LMF1: variants seen among roughly 807,000 people sequenced by gnomAD.
LMF1 encodes lipase maturation factor 1, also known as transmembrane protein 112.
In LMF1, 68 loss-of-function variants were observed where a neutral mutation model predicts 60.6. The ratio of observed to expected loss-of-function variants is 1.12; its 90% CI spans 0.92 to 1.37. The LOEUF is 1.37. LMF1 is among the 40% of genes most tolerant of loss of function. The pLI, the probability that LMF1 is intolerant of heterozygous loss-of-function variation, is 0.00. For missense variants in LMF1, 948 were observed against 767.2 expected (o/e 1.24, Z -2.78); for synonymous variants, 418 against 324.7 (o/e 1.29, Z -3.09).
intron 1 of LMF1, chr16:980,379 G>A (rs2073314424): frequency 1.3e-5 from 2 of 152,854 alleles, no homozygotes; most frequent in African/African-American, 4.8e-5. Flanking sequence ...GCCCCAGGTG[G>A]GTGCGGTGCG....
At chr16:921,964 T>C (rs934898833) in intron 3 of LMF1, among the ~76,000 whole-genome samples, 4 of 152,138 alleles carry the variant, frequency 2.6e-5, no homozygotes, top group South Asian at 2.1e-4. Flanking sequence ...TGAGAGGTGT[T>C]AGCAAGGTCT....
At chr16:974,439 G>A (rs1053287411), upstream of LMF1, among the ~76,000 whole-genome samples, 14 of 152,210 alleles carry the variant, frequency 9.2e-5, no homozygotes, top group Non-Finnish European at 1.8e-4. Flanking sequence ...GCTGACCCAG[G>A]AGAGGCCTGA....
chr16:873,798 A>C (rs1170964975), intron 6 of LMF1: 1 of 152,326 alleles, frequency 6.6e-6, no homozygotes, highest in Non-Finnish European at 1.5e-5. Context: ...CTGAGGTCTA[A>C]CACCAGTCCA....
rs1463050815 is a variant in LMF1 at position 897,367 on chromosome 16, A to G, written c.664-4295T>C. On this transcript the variant is annotated intron_variant, in intron 4 of 10. Coordinates refer to ENST00000262301, the MANE Select transcript of LMF1 (RefSeq NM_022773.4). The surrounding 1 kb of genome is among the most constrained non-coding windows in gnomAD (Gnocchi z 4.3). ...CTCAGGACAGACCCCCAGCCCCTACAGTCCCCGAAAGCACCGGCTAACGTG... is the reference window on the plus strand; with the variant it reads ...CTCAGGACAGACCCCCAGCCCCTACGGTCCCCGAAAGCACCGGCTAACGTG... Among the ~76,000 whole-genome samples the G allele has an allele frequency of 2.0e-5, 3 of 152,250 alleles. No individual in the cohort carries two copies. The highest frequency in any genetic ancestry group is 2.0e-4 in the Admixed American group (3 of 15,308).
At chr16:953,203 C>T (rs1782166633) in intron 2 of LMF1, among the ~76,000 whole-genome samples, 2 of 109,856 alleles carry the variant, frequency 1.8e-5, no homozygotes, top group Admixed American at 8.8e-5. Flanking sequence ...TCCTACATGT[C>T]CACACAGACA....
intron 6 of LMF1, among the ~76,000 whole-genome samples, chr16:877,033 G>C (rs913511478): frequency 1.3e-5 from 2 of 152,200 alleles, no homozygotes; most frequent in African/African-American, 4.8e-5. Flanking sequence ...CAGGAGATGC[G>C]TGTCGGTGAG....
At position 857,100 on chromosome 16, in the gene LMF1, C is replaced by T. The variant is rs534858364; in HGVS notation, c.1530-2394G>A. Among the ~76,000 whole-genome samples, 43 of 152,398 alleles carry T rather than the reference C, an allele frequency of 2.8e-4. 1 individual carries two copies. The highest frequency in any genetic ancestry group is 9.6e-4 in the African/African-American group (40 of 41,604). On this transcript the variant is annotated intron_variant, in intron 10 of 10. Coordinates refer to ENST00000262301, the MANE Select transcript of LMF1 (RefSeq NM_022773.4). ...CCGCCAGGTCGTGTGATGGAGGCTT[C>T]CTTCCTCCTCGTCGCTGACCGGCGT...
At chr16:955,061 C>T (rs542490880) in intron 1 of LMF1, among the ~76,000 whole-genome samples, 2 of 151,732 alleles carry the variant, frequency 1.3e-5, no homozygotes, top group East Asian at 3.9e-4. Context: ...GTAAACTAGA[C>T]ACGTTACATA....
At chr16:970,748 G>C in intron 1 of LMF1, 40 bp downstream of exon 1, 1 of 1,488,060 alleles carries the variant, frequency 6.7e-7, no homozygotes, top group South Asian at 1.3e-5. Flanking sequence ...GGTGCGCGGA[G>C]GTGACACTGG....
intron 10 of LMF1, among the ~76,000 whole-genome samples, chr16:866,480 A>T (rs569086142): frequency 6.6e-6 from 1 of 152,016 alleles, no homozygotes; most frequent in East Asian, 1.9e-4. Context: ...GGAGGGGAGG[A>T]GCCCTTCAGT....
intron 3 of LMF1, among the ~76,000 whole-genome samples, chr16:927,415 G>A (rs1597011862): frequency 6.6e-6 from 1 of 152,254 alleles, no homozygotes; most frequent in Non-Finnish European, 1.5e-5. Context: ...CCCCAGGGAG[G>A]GGCCGTGCAA....
At chr16:869,322 T>C in intron 9 of LMF1, 1 of 665,906 alleles carries the variant, frequency 1.5e-6, no homozygotes, top group Non-Finnish European at 2.8e-6. Context: ...ACCCTCTGTC[T>C]GGGCCTTGCC....
intron 10 of LMF1, among the ~76,000 whole-genome samples, chr16:867,093 G>A (rs1247498833): frequency 6.6e-6 from 1 of 152,148 alleles, no homozygotes; most frequent in Admixed American, 6.5e-5. Flanking sequence ...AGCCTGTCAT[G>A]GTACCACCTG....
chr16:948,766 G>C (rs571281127), intron 2 of LMF1, among the ~76,000 whole-genome samples: 1 of 144,552 alleles, frequency 6.9e-6, no homozygotes, highest in African/African-American at 2.6e-5. Context: ...GCCAACGACA[G>C]AGTCAGCCAA....
At chr16:968,892 G>A (rs911051821) in intron 1 of LMF1, 3 of 152,184 alleles carry the variant, frequency 2.0e-5, no homozygotes, top group Admixed American at 2.0e-4. Context: ...GCTGTATCTC[G>A]GGCTCCCCTG....
chr16:868,870 T>C lies in LMF1; in HGVS notation c.1529+74A>G, dbSNP rs111431282. 11,735 of 948,310 alleles carry C rather than the reference T, an allele frequency of 0.012. 111 individuals carry two copies. Among genetic ancestry groups the C allele is most frequent in the Non-Finnish European group, 0.017 (9,940 of 592,592 alleles). The allele number at this position is 948,310 out of a possible 1,614,324, so 58.7% of individuals were successfully genotyped here. ...TCCCGTGAGCAGGTGGGGGTGCAGGTACAGGTGGTGGGATCCCAGCAGACA... is the reference window on the plus strand; with the variant it reads ...TCCCGTGAGCAGGTGGGGGTGCAGGCACAGGTGGTGGGATCCCAGCAGACA... On this transcript the variant is annotated intron_variant, in intron 10 of 10. Coordinates refer to ENST00000262301, the MANE Select transcript of LMF1 (RefSeq NM_022773.4).
At chr16:913,773 G>T (rs1427272133) in intron 3 of LMF1, among the ~76,000 whole-genome samples, 1 of 152,254 alleles carries the variant, frequency 6.6e-6, no homozygotes, top group Admixed American at 6.5e-5. Context: ...GACAGTTTAG[G>T]GTTTGAAGGC....
chr16:979,520 C>A (rs915044894), intron 1 of LMF1: 27 of 408,836 alleles, frequency 6.6e-5, no homozygotes, highest in Admixed American at 1.8e-4. Context: ...GTTGCACAGA[C>A]CACCGTGCCC....
chr16:872,105 G>C (rs973102526), intron 6 of LMF1: 1 of 152,224 alleles, frequency 6.6e-6, no homozygotes, highest in African/African-American at 2.4e-5. Context: ...TCACAGGTGT[G>C]CTGCCAGACC....
Sources: allele counts gnomAD v4.1 joint callset (sites outside exome capture counted in the v4.1 genomes callset), GRCh38; gene constraint gnomAD v4.1.1; non-coding constraint Gnocchi (gnomAD v3.1); transcripts MANE v1.5; gene names NCBI Gene and HGNC (gene_info 2026-07-23, HGNC 2026-07-21).